IFNAR1: variants seen among roughly 807,000 people sequenced by gnomAD.
IFNAR1 encodes interferon alpha/beta receptor 1.
IFNAR1 carries 47 observed loss-of-function variants against 62.1 expected under a neutral mutation model. That is an observed-to-expected ratio of 0.76 (90% confidence interval 0.60 to 0.97). IFNAR1 has a LOEUF of 0.97. Among genes scored for constraint, IFNAR1 ranks in the 50% least tolerant of loss-of-function variants. IFNAR1 has a pLI of 0.00. For missense variants in IFNAR1, 638 were observed against 654.5 expected (o/e 0.97, Z 0.27); for synonymous variants, 219 against 226.9 (o/e 0.97, Z 0.31).
chr21:33,354,819 A>G (rs2083432219), intron 10 of IFNAR1, among the ~76,000 whole-genome samples: 1 of 152,208 alleles, frequency 6.6e-6, no homozygotes, highest in South Asian at 2.1e-4. Flanking sequence ...CTCCGTAAAT[A>G]TTAACAATTT....
intron 2 of IFNAR1, among the ~76,000 whole-genome samples, chr21:33,336,906 A>G (rs1176787994): frequency 6.6e-6 from 1 of 151,788 alleles, no homozygotes; most frequent in East Asian, 1.9e-4. Flanking sequence ...ACATGCCACC[A>G]TGTTTGACTA....
intron 1 of IFNAR1, among the ~76,000 whole-genome samples, chr21:33,329,566 T>C (rs532026845): frequency 6.6e-6 from 1 of 152,230 alleles, no homozygotes; most frequent in East Asian, 1.9e-4. Flanking sequence ...GTTAAGAAAG[T>C]TCTATACAAG....
At chr21:33,329,117 T>C (rs536188007) in intron 1 of IFNAR1, among the ~76,000 whole-genome samples, 4 of 152,184 alleles carry the variant, frequency 2.6e-5, no homozygotes, top group Non-Finnish European at 5.9e-5. Context: ...AGGGTCTCCT[T>C]CTTTTAGCAG....
At chr21:33,324,527 G>A (rs535350791), upstream of IFNAR1, 2 of 156,882 alleles carry the variant, frequency 1.3e-5, no homozygotes, top group African/African-American at 4.8e-5. Flanking sequence ...GCCCCGGGCG[G>A]AGAAGGGCGA....
At chr21:33,325,225 C>T (rs2083115173) in intron 1 of IFNAR1, 94 bp downstream of exon 1, 4 of 1,096,612 alleles carry the variant, frequency 3.6e-6, no homozygotes, top group Non-Finnish European at 4.1e-6. Context: ...GCGACAGACG[C>T]CCAGTCTGGG....
chr21:33,334,230 G>C (rs17875794), intron 1 of IFNAR1, among the ~76,000 whole-genome samples: 3,191 of 152,192 alleles, frequency 0.021, 123 homozygotes, highest in African/African-American at 0.074. Flanking sequence ...TATGATAGTA[G>C]TTGGGGACTT....
chr21:33,342,250 A>AT (rs2083298126), intron 3 of IFNAR1, among the ~76,000 whole-genome samples: 1 of 152,008 alleles, frequency 6.6e-6, no homozygotes. Context: ...CTCTACAAAA[A>AT]ATATATAAAA....
rs1467305343 is a variant in IFNAR1 at position 33,356,271 on chromosome 21, A to G, written c.*722A>G. 4 of 152,182 alleles carry G rather than the reference A, an allele frequency of 2.6e-5. No individual in the cohort carries two copies. The highest frequency in any genetic ancestry group is 4.4e-5 in the Non-Finnish European group (3 of 68,038). 9.4% of individuals were successfully genotyped at this position (152,182 alleles called of 1,614,324 possible). A position where few individuals can be genotyped will look rare whatever the true frequency, so the allele number is the denominator to read the frequency against. On this transcript the variant is annotated 3_prime_UTR_variant, in exon 11 of 11. Coordinates refer to ENST00000270139, the MANE Select transcript of IFNAR1 (RefSeq NM_000629.3). ...CACCTGTCTGTTCGCCATTCCTAAC[A>G]TTCTGTTTCATTCTTCCTCGGGAGA... is the stretch of plus-strand genomic sequence containing the variant.
Position 33,355,357 on chromosome 21 carries a change from T to C in IFNAR1, c.1482T>C (p.Thr494=). 6.3e-7 allele frequency: 1 copy of C among 1,599,390 alleles called. No individual in the cohort carries two copies. The highest frequency in any genetic ancestry group is 8.5e-7 in the Non-Finnish European group (1 of 1,173,230). ...CATTGAAGAATCTTCTGCTTTCAAC[T>C]TCTGAGGAACAAATCGAAAAATGTT... ...EQPLKNLLLS[T]SEEQIEKCFI... is the part of the protein sequence containing the mutation. The change falls in exon 11 of 11, where the codon ACT becomes ACC. Residue 494 remains threonine (T), a synonymous_variant. Transcript: ENST00000270139.
In IFNAR1 at chr21:33,333,619, TTTTTTTC is replaced by T. The variant is rs1427049300; in HGVS notation, c.77-1898_77-1892del. On this transcript the variant is annotated intron_variant, in intron 1 of 10. Coordinates refer to ENST00000270139, the MANE Select transcript of IFNAR1 (RefSeq NM_000629.3). ...CTTAAAGAGACTGGCGGAATATTTT[TTTTTTTC>T]TTTTTTTTTTTTTTTGAGACGGAGT... Among the ~76,000 whole-genome samples the T allele has an allele frequency of 5.3e-5, 7 of 132,166 alleles. 2 individuals are homozygous for T. Among genetic ancestry groups the T allele is most frequent in the African/African-American group, 1.6e-4 (5 of 30,752 alleles). 86.7% of individuals were successfully genotyped at this position (132,166 alleles called of 152,430 possible).
In IFNAR1 at chr21:33,343,642, T is replaced by C. The variant is rs756676215; in HGVS notation, c.639T>C (p.Gly213=). 6.8e-6 allele frequency: 11 copies of C among 1,609,378 alleles called. No individual in the cohort carries two copies. The highest frequency in any genetic ancestry group is 9.4e-6 in the Non-Finnish European group (11 of 1,176,112). ...KAALLTSWKI[G]VYSPVHCIKT... ...CACTACTTACGTCATGGAAAATTGG[T>C]GTCTATAGTCCAGTACATTGTATAA... Residue 213 remains glycine, a synonymous_variant, in exon 5 of 11, where the codon GGT becomes GGC. Transcript: ENST00000270139.
chr21:33,331,157 G>T (rs2083175653), intron 1 of IFNAR1, among the ~76,000 whole-genome samples: 1 of 152,172 alleles, frequency 6.6e-6, no homozygotes, highest in African/African-American at 2.4e-5. Flanking sequence ...GTCAAGCAGA[G>T]GTGGAACTAC....
chr21:33,354,359 T>C (rs972525512), intron 10 of IFNAR1, among the ~76,000 whole-genome samples: 1 of 152,102 alleles, frequency 6.6e-6, no homozygotes, highest in Admixed American at 6.5e-5. Context: ...GTAAATAAAG[T>C]CTGTAATGTG....
At chr21:33,348,911 C>T (rs541948689) in intron 6 of IFNAR1, among the ~76,000 whole-genome samples, 180 bp from the exon 7 acceptor site, 60 of 152,192 alleles carry the variant, frequency 3.9e-4, no homozygotes, top group Non-Finnish European at 7.2e-4. Flanking sequence ...CACAACATGA[C>T]CACAGTCTGG....
intron 2 of IFNAR1, among the ~76,000 whole-genome samples, chr21:33,339,266 C>T (rs1320858909): frequency 6.6e-6 from 1 of 152,068 alleles, no homozygotes; most frequent in African/African-American, 2.4e-5. Context: ...GATGTGGAAC[C>T]TTTTCAAGAA....
At chr21:33,343,717 A>G in intron 5 of IFNAR1, 41 bp downstream of exon 5, 1 of 1,429,888 alleles carries the variant, frequency 7.0e-7, no homozygotes, top group African/African-American at 1.4e-5. Flanking sequence ...AAATATATAA[A>G]CAGATTGTCA....
In IFNAR1 at chr21:33,359,148, G is replaced by A. The variant is rs900570030; in HGVS notation, c.*3599G>A. 6.6e-6 allele frequency: 1 copy of A among 152,084 alleles called. No homozygotes were observed. The highest frequency in any genetic ancestry group is 2.4e-5 in the African/African-American group (1 of 41,386). The allele number at this position is 152,084 out of a possible 1,614,324, so 9.4% of individuals were successfully genotyped here. On this transcript the variant is annotated 3_prime_UTR_variant, in exon 11 of 11. Coordinates refer to ENST00000270139, the MANE Select transcript of IFNAR1 (RefSeq NM_000629.3). ...ATGAAATCTAAACTGTGAACCTGAG[G>A]GTGTTTGTGGCAGTGTTTGTTTTAC...
intron 8 of IFNAR1, among the ~76,000 whole-genome samples, chr21:33,350,794 A>T (rs963985513): frequency 1.3e-5 from 2 of 152,218 alleles, no homozygotes; most frequent in Non-Finnish European, 2.9e-5. Flanking sequence ...AATGTAGCCC[A>T]TTGAGAATTA....
At chr21:33,344,765 CTTATTTA>C (rs956753363) in intron 5 of IFNAR1, among the ~76,000 whole-genome samples, 30 of 122,026 alleles carry the variant, frequency 2.5e-4, no homozygotes, top group African/African-American at 8.5e-4. Flanking sequence ...TTCTTTTTTA[CTTATTTA>C]TTTATTTATT....
Sources: gnomAD v4.1 joint callset for allele counts (sites outside exome capture counted in the v4.1 genomes callset) on GRCh38, gnomAD v4.1.1 for gene constraint, MANE v1.5 for transcripts, NCBI Gene and HGNC (gene_info 2026-07-23, HGNC 2026-07-21) for gene names.